SLC4A7: variants seen among roughly 807,000 people sequenced by gnomAD.
The protein encoded by SLC4A7 is solute carrier family 4 member 7.
A neutral mutation model predicts 137.6 loss-of-function variants in SLC4A7; 51 were observed. The observed-to-expected ratio is 0.37, with a 90% CI of 0.30 to 0.47. SLC4A7 has a LOEUF of 0.47. SLC4A7 is among the 20% of genes least tolerant of loss of function. The pLI is 1.00. For missense variants in SLC4A7, 1,247 were observed against 1,525.4 expected, an observed-to-expected ratio of 0.82 and a Z score of 3.04; for synonymous variants, 542 against 518.6, an observed-to-expected ratio of 1.05 and a Z score of -0.61.
At position 27,431,493 on chromosome 3, in the gene SLC4A7, G is replaced by A; in HGVS notation, c.955C>T (p.Pro319Ser). 1.9e-6 allele frequency: 3 copies of A among 1,613,942 alleles called. No homozygotes were observed. Among genetic ancestry groups the A allele is most frequent in the East Asian group, 4.5e-5 (2 of 44,890 alleles). The change falls in exon 7 of 26, where the codon CCT becomes TCT. Residue 319 changes from proline (P) to serine (S), a missense_variant. Transcript: ENST00000454389. ...TTPVPTPQNS[P>S]PSSPSISRLT... is the part of the protein sequence containing the mutation. ...CGGCTGATGCTAGGGCTAGAAGGAG[G>A]ACTGTTTTGAGGGGTGGGTACTGGG...
In SLC4A7 at chr3:27,400,810, T is replaced by C. The variant is rs774240208; in HGVS notation, c.2381A>G (p.Asp794Gly). The change falls in exon 16 of 26, where the codon GAT (aspartate) becomes GGT (glycine). Residue 794 changes from aspartate to glycine, a missense_variant. Coordinates refer to ENST00000454389, the MANE Select transcript of SLC4A7 (RefSeq NM_001321103.2). ...SNETLAQWKK[D>G]NITAHNISWR... ...GGAAATATTGTGTGCTGTTATATTA[T>C]CTTTCTTCCATTGTGCTAGAGTTTC... is the stretch of plus-strand genomic sequence containing the variant. The C allele has an allele frequency of 1.9e-6, 3 of 1,608,766 alleles. No homozygotes were observed. The highest frequency in any genetic ancestry group is 2.2e-5 in the East Asian group (1 of 44,774).
intron 6 of SLC4A7, 122 bp downstream of exon 6, chr3:27,433,794 G>T: frequency 1.3e-6 from 1 of 751,828 alleles, no homozygotes; most frequent in African/African-American, 1.8e-5. Context: ...AAGCAGGAAG[G>T]AGAAGTAATT....
At chr3:27,423,568 C>T (rs1191270822) in intron 8 of SLC4A7, 1 of 152,438 alleles carries the variant, frequency 6.6e-6, no homozygotes, top group Non-Finnish European at 1.5e-5. Context: ...TGGGGAAGCA[C>T]CAATATATTT....
intron 1 of SLC4A7, among the ~76,000 whole-genome samples, chr3:27,467,615 CAT>C (rs1004877652): frequency 2.0e-5 from 3 of 152,172 alleles, no homozygotes; most frequent in Admixed American, 6.5e-5. Context: ...CACTTTAAAA[CAT>C]ATGTTTCAGT....
chr3:27,420,643 T>C (rs939224051), intron 10 of SLC4A7, 57 bp downstream of exon 10: 13 of 1,089,412 alleles, frequency 1.2e-5, no homozygotes, highest in African/African-American at 3.1e-5. Context: ...ATCTAATATA[T>C]ACTATATGCT....
rs545172229 is a variant in SLC4A7, at chr3:27,382,145, AGTCTTGCTCTG to A, written c.3590+997_3590+1007del. 8.5e-5 allele frequency among the ~76,000 whole-genome samples: 13 copies of A among 152,064 alleles called. 1 individual carries two copies. In the South Asian group the frequency reaches 2.7e-3, roughly 32 times the overall value. On this transcript the variant is annotated intron_variant, in intron 24 of 25. Coordinates refer to ENST00000454389, the MANE Select transcript of SLC4A7 (RefSeq NM_001321103.2). Reference sequence around the variant, plus strand: ...ATTATTATCATTATTTTTGAGACTGAGTCTTGCTCTGTTGCCTAGGCTGGAGTGCACTGGTA... The same window carrying A: ...ATTATTATCATTATTTTTGAGACTGATTGCCTAGGCTGGAGTGCACTGGTA...
intron 1 of SLC4A7, among the ~76,000 whole-genome samples, chr3:27,453,808 T>G (rs536589622): frequency 5.8e-4 from 89 of 152,354 alleles, no homozygotes; most frequent in African/African-American, 2.1e-3. Flanking sequence ...AATGCAGATC[T>G]TTTGATATCC....
intron 1 of SLC4A7, among the ~76,000 whole-genome samples, chr3:27,456,437 G>T (rs1403388404): frequency 6.6e-6 from 1 of 152,130 alleles, no homozygotes; most frequent in Non-Finnish European, 1.5e-5. Flanking sequence ...ACTATCCAAA[G>T]AGTTAGTTTT....
intron 11 of SLC4A7, among the ~76,000 whole-genome samples, chr3:27,415,310 G>A (rs920383178): frequency 1.3e-5 from 2 of 152,152 alleles, no homozygotes; most frequent in Non-Finnish European, 2.9e-5. Flanking sequence ...CCAGAAAAAG[G>A]GCTCTCATCC....
At chr3:27,466,786 G>A (rs35262121) in intron 1 of SLC4A7, among the ~76,000 whole-genome samples, 32,486 of 152,030 alleles carry the variant, frequency 0.21, 3,551 homozygotes, top group Non-Finnish European at 0.25. Flanking sequence ...GAACCTGGGA[G>A]GCAGCAGTTT....
chr3:27,451,579 GA>G, intron 2 of SLC4A7, among the ~76,000 whole-genome samples: 1 of 151,852 alleles, frequency 6.6e-6, no homozygotes, highest in East Asian at 1.9e-4. Flanking sequence ...TTAAGGTCAT[GA>G]AAAACAAAAA....
intron 3 of SLC4A7, among the ~76,000 whole-genome samples, chr3:27,438,180 G>A (rs896247910): frequency 6.6e-6 from 1 of 151,598 alleles, no homozygotes; most frequent in African/African-American, 2.4e-5. Context: ...CTAGGCGACA[G>A]AGACTCCGTC....
intron 3 of SLC4A7, among the ~76,000 whole-genome samples, chr3:27,439,162 T>C (rs1293784665): frequency 2.0e-5 from 3 of 152,062 alleles, no homozygotes; most frequent in Non-Finnish European, 4.4e-5. Flanking sequence ...GGATAAAGAG[T>C]AGATTCAATG....
rs916865044 is a variant in SLC4A7 at position 27,459,861 on chromosome 3, T to C, written c.61-7363A>G. On this transcript the variant is annotated intron_variant, in intron 1 of 25. Transcript: ENST00000454389. The stretch of plus-strand genomic sequence containing the variant: ...TTATAACTTTAAATACTTTATTTTA[T>C]GTCTTGGTTTATCAATTTTAAACAG... Among the ~76,000 whole-genome samples, 4 of 151,918 alleles carry C rather than the reference T, an allele frequency of 2.6e-5. No individual in the cohort carries two copies. In the South Asian group the frequency reaches 6.2e-4, roughly 24 times the overall value.
chr3:27,457,188 A>G (rs1430621608), intron 1 of SLC4A7, among the ~76,000 whole-genome samples: 1 of 152,168 alleles, frequency 6.6e-6, no homozygotes, highest in African/African-American at 2.4e-5. Context: ...CTTGGTTTAT[A>G]TAAGTTACCA....
intron 13 of SLC4A7, among the ~76,000 whole-genome samples, chr3:27,406,738 T>C (rs2053400702): frequency 6.6e-6 from 1 of 152,048 alleles, no homozygotes; most frequent in Non-Finnish European, 1.5e-5. Context: ...AAGAACAACC[T>C]GGGCAACATG....
At chr3:27,438,194 GTCAA>G (rs554339659) in intron 3 of SLC4A7, among the ~76,000 whole-genome samples, 2 of 147,778 alleles carry the variant, frequency 1.4e-5, no homozygotes, top group Non-Finnish European at 3.0e-5. Context: ...CTCCGTCTCA[GTCAA>G]TCAATCAATA....
At chr3:27,380,506 A>G (rs1013920891) in intron 24 of SLC4A7, among the ~76,000 whole-genome samples, 1 of 152,176 alleles carries the variant, frequency 6.6e-6, no homozygotes, top group Non-Finnish European at 1.5e-5. Flanking sequence ...ATACATTTGC[A>G]AGTCCTTTTT....
rs3736312 is a variant in SLC4A7 at position 27,400,845 on chromosome 3, G to A, written c.2346C>T (p.Asn782=). The A allele has an allele frequency of 0.23, 363,283 of 1,591,232 alleles. 44,773 individuals carry two copies. Among genetic ancestry groups the A allele is most frequent in the Non-Finnish European group, 0.25 (295,437 of 1,159,508 alleles). Residue 782 remains asparagine (N), a synonymous_variant, in exon 16 of 26, where the codon AAC becomes AAT. Coordinates refer to ENST00000454389, the MANE Select transcript of SLC4A7 (RefSeq NM_001321103.2). ...SYSCVCTEPP[N]PSNETLAQWK... is the part of the protein sequence containing the mutation. The stretch of plus-strand genomic sequence containing the variant: ...ATTGTGCTAGAGTTTCATTGCTGGG[G>A]TTTGGAGGTTCAGTACATACACATC...
Sources: gnomAD v4.1 joint callset for allele counts (sites outside exome capture counted in the v4.1 genomes callset) on GRCh38, gnomAD v4.1.1 for gene constraint, MANE v1.5 for transcripts, NCBI Gene and HGNC (gene_info 2026-07-23, HGNC 2026-07-21) for gene names.